The following NRG2 variants were observed in gnomAD, a reference collection of about 807,000 sequenced individuals.
NRG2 encodes pro-neuregulin-2, membrane-bound isoform.
A neutral mutation model predicts 73.9 loss-of-function variants in NRG2; 27 were observed. The observed-to-expected ratio is 0.37, with a 90% CI of 0.27 to 0.50. The LOEUF is 0.50. Among genes scored for constraint, NRG2 ranks in the 20% least tolerant of loss-of-function variants. The pLI, the probability that NRG2 is intolerant of heterozygous loss-of-function variation, is 0.96. For missense variants in NRG2, 1,126 were observed against 1,210.1 expected, an observed-to-expected ratio of 0.93 and a Z score of 1.03; for synonymous variants, 532 against 541.0, an observed-to-expected ratio of 0.98 and a Z score of 0.23.
In NRG2 at chr5:139,868,197, T is replaced by C. The variant is rs1239393898; in HGVS notation, c.1113-2572A>G. 2.0e-5 allele frequency among the ~76,000 whole-genome samples: 3 copies of C among 152,144 alleles called. No homozygotes were observed. The highest frequency in any genetic ancestry group is 6.5e-5 in the Admixed American group (1 of 15,274). On this transcript the variant is annotated intron_variant, in intron 4 of 9. Coordinates refer to ENST00000361474, the MANE Select transcript of NRG2 (RefSeq NM_004883.3). This position sits in a 1 kb window ranked among gnomAD's most constrained non-coding sequence, Gnocchi z 4.2. The stretch of plus-strand genomic sequence containing the variant: ...GGTGCTAGCTCCTTCAGGGACCTCC[T>C]GGACACTCCTATGTCTCTCCTTAGT...
chr5:139,881,006 C>G, intron 2 of NRG2, 32 bp from the exon 3 acceptor site: 1 of 1,591,636 alleles, frequency 6.3e-7, no homozygotes, highest in East Asian at 2.2e-5. Context: ...GGGGGAGAGG[C>G]GTGAGCCAGG....
intron 1 of NRG2, among the ~76,000 whole-genome samples, chr5:139,910,713 T>A (rs994565627): frequency 3.3e-5 from 5 of 152,162 alleles, no homozygotes; most frequent in Non-Finnish European, 7.3e-5. Context: ...CCTTTGCTCC[T>A]ATGGGACACA....
chr5:139,951,849 G>A (rs1484160512), intron 1 of NRG2, among the ~76,000 whole-genome samples: 1 of 152,240 alleles, frequency 6.6e-6, no homozygotes, highest in Non-Finnish European at 1.5e-5. Flanking sequence ...TGGCAGGAAG[G>A]ACAAGGCTCG....
chr5:140,041,356 T>C (rs1244685068), intron 1 of NRG2, among the ~76,000 whole-genome samples: 1 of 152,162 alleles, frequency 6.6e-6, no homozygotes, highest in Non-Finnish European at 1.5e-5. Flanking sequence ...GTGGGACAAT[T>C]TGATTTGAAA....
intron 1 of NRG2, among the ~76,000 whole-genome samples, chr5:139,993,782 T>A (rs1302507574): frequency 3.5e-5 from 1 of 28,584 alleles, no homozygotes; most frequent in Non-Finnish European, 6.5e-5. Flanking sequence ...ATATTCAAAC[T>A]ATGTTACGCT....
chr5:139,977,062 C>T (rs62383909), intron 1 of NRG2, among the ~76,000 whole-genome samples: 1 of 152,184 alleles, frequency 6.6e-6, no homozygotes, highest in East Asian at 1.9e-4. Flanking sequence ...GCCTCAATTA[C>T]AAAGGAATAG....
chr5:139,960,357 A>G (rs1754967584), intron 1 of NRG2, among the ~76,000 whole-genome samples: 1 of 152,162 alleles, frequency 6.6e-6, no homozygotes, highest in African/African-American at 2.4e-5. Flanking sequence ...TCTACTAAAA[A>G]TATAAAAATT....
intron 1 of NRG2, among the ~76,000 whole-genome samples, chr5:139,980,364 A>G (rs1214456647): frequency 6.6e-6 from 1 of 151,674 alleles, no homozygotes; most frequent in Admixed American, 6.6e-5. Context: ...AAAAAAAAAA[A>G]TCTTCACTGT....
In NRG2 at chr5:139,868,294, G is replaced by T. The variant is rs1581812558; in HGVS notation, c.1113-2669C>A. Among the ~76,000 whole-genome samples the T allele has an allele frequency of 6.6e-6, 1 of 152,066 alleles. No individual in the cohort carries two copies. The highest frequency in any genetic ancestry group is 2.1e-4 in the South Asian group (1 of 4,818). On this transcript the variant is annotated intron_variant, in intron 4 of 9. Coordinates refer to ENST00000361474, the MANE Select transcript of NRG2 (RefSeq NM_004883.3). This position sits in a 1 kb window ranked among gnomAD's most constrained non-coding sequence, Gnocchi z 4.2. The stretch of plus-strand genomic sequence containing the variant: ...AGAGAAGGCTTTGGGGGTGAGCTGG[G>T]CCTATAGCCTCTCTAACCTGCACCT...
At chr5:139,968,690 T>C (rs1257210633) in intron 1 of NRG2, among the ~76,000 whole-genome samples, 1 of 152,188 alleles carries the variant, frequency 6.6e-6, no homozygotes, top group African/African-American at 2.4e-5. Flanking sequence ...CCCAACAGGC[T>C]GTGTTCTGGA....
At position 140,008,925 on chromosome 5, in the gene NRG2, C is replaced by G. The variant is rs996833228; in HGVS notation, c.700+33445G>C. On this transcript the variant is annotated intron_variant, in intron 1 of 9. Transcript: ENST00000361474. The surrounding 1 kb of genome is among the most constrained non-coding windows in gnomAD (Gnocchi z 4.2). ...GAAAAATGGGATAATAGCAATAGAACCAACCTCCCAGGGTTGTTGCAAGGA... is the reference window on the plus strand; with the variant it reads ...GAAAAATGGGATAATAGCAATAGAAGCAACCTCCCAGGGTTGTTGCAAGGA... Among the ~76,000 whole-genome samples, 1 of 152,152 alleles carries G rather than the reference C, an allele frequency of 6.6e-6. No homozygotes were observed.
chr5:139,954,841 T>C lies in NRG2; in HGVS notation c.701-67330A>G, dbSNP rs781772577. Reference sequence around the variant, plus strand: ...GTTTTTGTAAGGATAAATTAGAAAATGCTTGGAACAGAGCCTGGCACACAG... The same window carrying C: ...GTTTTTGTAAGGATAAATTAGAAAACGCTTGGAACAGAGCCTGGCACACAG... On this transcript the variant is annotated intron_variant, in intron 1 of 9. Coordinates refer to ENST00000361474, the MANE Select transcript of NRG2 (RefSeq NM_004883.3). This position sits in a 1 kb window ranked among gnomAD's most constrained non-coding sequence, Gnocchi z 5.0. 6.6e-6 allele frequency among the ~76,000 whole-genome samples: 1 copy of C among 152,090 alleles called. No individual in the cohort carries two copies. The highest frequency in any genetic ancestry group is 1.5e-5 in the Non-Finnish European group (1 of 68,030).
intron 1 of NRG2, among the ~76,000 whole-genome samples, chr5:139,932,621 T>C (rs936140545): frequency 2.6e-5 from 4 of 152,198 alleles, no homozygotes; most frequent in Non-Finnish European, 5.9e-5. Flanking sequence ...GTAGATTTTA[T>C]CTGTCCTTAT....
At chr5:139,917,876 C>T (rs189904888) in intron 1 of NRG2, among the ~76,000 whole-genome samples, 1 of 152,268 alleles carries the variant, frequency 6.6e-6, no homozygotes, top group East Asian at 1.9e-4. Flanking sequence ...CTTTGAAATG[C>T]AACATTTTTT....
intron 1 of NRG2, among the ~76,000 whole-genome samples, chr5:139,935,776 A>G (rs1478383711): frequency 6.6e-6 from 1 of 152,046 alleles, no homozygotes; most frequent in Non-Finnish European, 1.5e-5. Context: ...CCTGGCCAAC[A>G]TGGCAAAACC....
chr5:139,983,357 T>TG (rs996394989), intron 1 of NRG2, among the ~76,000 whole-genome samples: 1 of 152,338 alleles, frequency 6.6e-6, no homozygotes, highest in East Asian at 1.9e-4. Context: ...GCCCTGCGTC[T>TG]GAGAGTGGTC....
intron 1 of NRG2, among the ~76,000 whole-genome samples, chr5:139,918,907 G>A (rs1202128621): frequency 3.3e-5 from 5 of 152,178 alleles, no homozygotes; most frequent in Admixed American, 3.3e-4. Context: ...AGAAATCAGT[G>A]GTGGAGAGGC....
chr5:139,954,136 T>C lies in NRG2; in HGVS notation c.701-66625A>G, dbSNP rs1173750566. On this transcript the variant is annotated intron_variant, in intron 1 of 9. Transcript: ENST00000361474. This position sits in a 1 kb window ranked among gnomAD's most constrained non-coding sequence, Gnocchi z 5.0. The stretch of plus-strand genomic sequence containing the variant: ...AGCAAGCATGAGGCCAGGCTGGCGG[T>C]TCTCTCCCCTTGCCTCCTGCACGAT... 6.6e-6 allele frequency among the ~76,000 whole-genome samples: 1 copy of C among 152,020 alleles called. No individual in the cohort carries two copies. Among genetic ancestry groups the C allele is most frequent in the East Asian group, 1.9e-4 (1 of 5,174 alleles).
At chr5:139,984,513 G>A (rs886765849) in intron 1 of NRG2, among the ~76,000 whole-genome samples, 2 of 152,182 alleles carry the variant, frequency 1.3e-5, no homozygotes, top group Admixed American at 1.3e-4. Context: ...CTGCCAAAGC[G>A]AGCATAATTT....
Sources: allele counts gnomAD v4.1 joint callset (sites outside exome capture counted in the v4.1 genomes callset), GRCh38; gene constraint gnomAD v4.1.1; non-coding constraint Gnocchi (gnomAD v3.1); transcripts MANE v1.5; gene names NCBI Gene and HGNC (gene_info 2026-07-23, HGNC 2026-07-21).